MACROD2: variants seen among roughly 807,000 people sequenced by gnomAD.
MACROD2 encodes the protein mono-ADP ribosylhydrolase 2.
Under a neutral mutation model 70.4 loss-of-function variants are expected in MACROD2, and 36 were observed. The ratio of observed to expected loss-of-function variants is 0.51; its 90% CI spans 0.39 to 0.68. MACROD2 has a LOEUF of 0.68. Among genes scored for constraint, MACROD2 ranks in the 30% least tolerant of loss-of-function variants. The pLI is 0.00. For missense variants in MACROD2, 496 were observed against 538.4 expected (o/e 0.92, Z 0.78); for synonymous variants, 172 against 178.8 (o/e 0.96, Z 0.30).
At chr20:14,360,807 A>G (rs1188397496) in intron 3 of MACROD2, among the ~76,000 whole-genome samples, 1 of 152,198 alleles carries the variant, frequency 6.6e-6, no homozygotes, top group East Asian at 1.9e-4. Context: ...ACTACATTTT[A>G]TTTAATGATA....
In MACROD2 at chr20:14,295,692, T is replaced by C. The variant is rs528746915; in HGVS notation, c.272-197787T>C. On this transcript the variant is annotated intron_variant, in intron 3 of 17. Transcript: ENST00000684519. ...AGTTTCCAATATGTGCCCACCCTGT[T>C]CTAGATGTTGTGGATGCAGCCTGCC... is the stretch of plus-strand genomic sequence containing the variant. 3.3e-5 allele frequency among the ~76,000 whole-genome samples: 5 copies of C among 152,082 alleles called. 1 individual carries two copies. The East Asian group carries it at 9.6e-4, about 29-fold the overall frequency.
In MACROD2 at chr20:14,433,230, G is replaced by A. The variant is rs934592514; in HGVS notation, c.272-60249G>A. Reference sequence around the variant, plus strand: ...ATAAGCATAATAAATAGTAGTAAAAGCAGAAACACAGTGAAAGAGACGTAA... The same window carrying A: ...ATAAGCATAATAAATAGTAGTAAAAACAGAAACACAGTGAAAGAGACGTAA... On this transcript the variant is annotated intron_variant, in intron 3 of 17. Coordinates refer to ENST00000684519, the MANE Select transcript of MACROD2 (RefSeq NM_001351661.2). 2.0e-5 allele frequency among the ~76,000 whole-genome samples: 3 copies of A among 152,222 alleles called. No individual in the cohort carries two copies. The South Asian group carries it at 6.2e-4, about 32-fold the overall frequency.
intron 5 of MACROD2, among the ~76,000 whole-genome samples, chr20:14,931,058 A>G (rs1426765702): frequency 6.6e-6 from 1 of 152,040 alleles, no homozygotes; most frequent in African/African-American, 2.4e-5. Flanking sequence ...TACTGTAGGC[A>G]CTGAAGGCAC....
intron 15 of MACROD2, among the ~76,000 whole-genome samples, chr20:16,015,912 G>A (rs1398635638): frequency 6.6e-6 from 1 of 152,176 alleles, no homozygotes; most frequent in East Asian, 1.9e-4. Context: ...ATTTATAAGA[G>A]TATTTTTAAA....
chr20:14,343,960 A>C (rs184511234), intron 3 of MACROD2, among the ~76,000 whole-genome samples: 2 of 152,316 alleles, frequency 1.3e-5, no homozygotes, highest in Admixed American at 1.3e-4. Flanking sequence ...ATTGGTGCTA[A>C]TTTTAGACAC....
intron 8 of MACROD2, among the ~76,000 whole-genome samples, chr20:15,839,341 G>T (rs1469821835): frequency 6.6e-6 from 1 of 152,060 alleles, no homozygotes; most frequent in Non-Finnish European, 1.5e-5. Flanking sequence ...TCCTTGCCAT[G>T]GTCTCATTGT....
rs181969232 is a variant in MACROD2 at position 14,683,469 on chromosome 20, C to T, written c.302-1374C>T. ...AGATTTTGCAAAACATGCAGTGTAG[C>T]GTAGTCTGGAGTGAATTTATTTTTT... is the stretch of plus-strand genomic sequence containing the variant. On this transcript the variant is annotated intron_variant, in intron 4 of 17. Coordinates refer to ENST00000684519, the MANE Select transcript of MACROD2 (RefSeq NM_001351661.2). 8.1e-4 allele frequency among the ~76,000 whole-genome samples: 123 copies of T among 152,178 alleles called. 1 individual carries two copies. Among genetic ancestry groups the T allele is most frequent in the Admixed American group, 1.9e-3 (29 of 15,280 alleles).
At chr20:15,001,960 CACACACACACACATAT>C (rs1284979616) in intron 5 of MACROD2, among the ~76,000 whole-genome samples, 4 of 152,116 alleles carry the variant, frequency 2.6e-5, no homozygotes, top group East Asian at 1.9e-4. Context: ...CACACACACA[CACACACACACACATAT>C]ACACACACAC....
At chr20:14,613,907 C>T (rs1487206956) in intron 4 of MACROD2, among the ~76,000 whole-genome samples, 1 of 152,110 alleles carries the variant, frequency 6.6e-6, no homozygotes, top group African/African-American at 2.4e-5. Context: ...TATTCTAAGT[C>T]TCCCTTAATA....
intron 7 of MACROD2, among the ~76,000 whole-genome samples, chr20:15,481,885 C>T (rs1257934462): frequency 6.6e-6 from 1 of 152,136 alleles, no homozygotes; most frequent in South Asian, 2.1e-4. Flanking sequence ...TATTAGTGGC[C>T]ACCAAACCAT....
intron 5 of MACROD2, among the ~76,000 whole-genome samples, chr20:14,996,189 A>G (rs183536892): frequency 1.3e-5 from 2 of 152,284 alleles, no homozygotes; most frequent in East Asian, 1.9e-4. Context: ...ATCAACATCT[A>G]TTATAAGTAG....
intron 12 of MACROD2, among the ~76,000 whole-genome samples, chr20:15,940,031 A>AG (rs1321664630): frequency 6.6e-6 from 1 of 152,178 alleles, no homozygotes; most frequent in Non-Finnish European, 1.5e-5. Context: ...AAGAAAAAAA[A>AG]GTGGTTTCTT....
chr20:14,295,812 T>A (rs1378897173), intron 3 of MACROD2, among the ~76,000 whole-genome samples: 2 of 151,850 alleles, frequency 1.3e-5, no homozygotes, highest in East Asian at 3.9e-4. Context: ...GTTTACTCTA[T>A]AGAGGATAAA....
intron 6 of MACROD2, among the ~76,000 whole-genome samples, chr20:15,311,238 C>G (rs369694916): frequency 1.3e-5 from 2 of 151,948 alleles, no homozygotes; most frequent in Admixed American, 6.6e-5. Flanking sequence ...TTTTTAAGAA[C>G]GTGCAGAGAA....
intron 5 of MACROD2, among the ~76,000 whole-genome samples, chr20:15,057,333 A>G (rs1317899420): frequency 1.3e-5 from 2 of 152,208 alleles, no homozygotes; most frequent in Non-Finnish European, 2.9e-5. Flanking sequence ...AAGCAAGTGT[A>G]AAGTAAACAT....
chr20:14,395,410 C>CTTTTAACATATGTAATCTGTTAAAA (rs2083570818), intron 3 of MACROD2, among the ~76,000 whole-genome samples: 1 of 151,862 alleles, frequency 6.6e-6, no homozygotes. Flanking sequence ...TCTTATTATC[C>CTTTTAACATATGTAATCTGTTAAAA]TTTTAACATA....
chr20:15,848,554 C>T (rs2064260946), intron 8 of MACROD2, among the ~76,000 whole-genome samples: 1 of 152,120 alleles, frequency 6.6e-6, no homozygotes, highest in Non-Finnish European at 1.5e-5. Context: ...GACTTAATAG[C>T]CCTCAGGAAT....
At chr20:14,273,036 A>G (rs1276969656) in intron 3 of MACROD2, among the ~76,000 whole-genome samples, 3 of 151,686 alleles carry the variant, frequency 2.0e-5, no homozygotes, top group Non-Finnish European at 2.9e-5. Context: ...CTCCTACACA[A>G]TAATAATGGG....
chr20:14,624,801 G>A lies in MACROD2; in HGVS notation c.302-60042G>A, dbSNP rs1293874139. ...ATCCTAGTTGATAAAGAAGGAAAAA[G>A]TATGAGCTTGGTTCATGAATTTATC... On this transcript the variant is annotated intron_variant, in intron 4 of 17. Transcript: ENST00000684519. 2.0e-5 allele frequency among the ~76,000 whole-genome samples: 3 copies of A among 152,138 alleles called. No individual in the cohort carries two copies. The South Asian group carries it at 6.2e-4, about 31-fold the overall frequency.
Sources: gnomAD v4.1 joint callset for allele counts (sites outside exome capture counted in the v4.1 genomes callset) on GRCh38, gnomAD v4.1.1 for gene constraint, MANE v1.5 for transcripts, NCBI Gene and HGNC (gene_info 2026-07-23, HGNC 2026-07-21) for gene names.